SYNE2: variants seen among roughly 807,000 people sequenced by gnomAD.
SYNE2 encodes the protein nesprin-2.
Under a neutral mutation model 856.3 loss-of-function variants are expected in SYNE2, and 431 were observed. The observed-to-expected ratio is 0.50, with a 90% CI of 0.47 to 0.55. The LOEUF (loss-of-function observed/expected upper bound fraction) is 0.55, where lower values mean the gene tolerates loss of function less well. Ranked by LOEUF, SYNE2 falls within the 20% of genes least tolerant of loss-of-function variation. The pLI, the probability that SYNE2 is intolerant of heterozygous loss-of-function variation, is 0.00. For synonymous variants in SYNE2, 2,923 were observed against 2,872.3 expected, an observed-to-expected ratio of 1.02 and a Z score of -0.56; for missense variants, 8,129 against 8,023.2, an observed-to-expected ratio of 1.01 and a Z score of -0.50.
At chr14:64,194,926 A>G (rs1206813434) in intron 99 of SYNE2, among the ~76,000 whole-genome samples, 1 of 152,168 alleles carries the variant, frequency 6.6e-6, no homozygotes, top group Non-Finnish European at 1.5e-5. Context: ...AAAACCCAGT[A>G]GTTGAACTCC....
At chr14:64,090,374 T>G (rs541756342) in intron 59 of SYNE2, among the ~76,000 whole-genome samples, 2 of 152,344 alleles carry the variant, frequency 1.3e-5, no homozygotes, top group South Asian at 2.1e-4. Flanking sequence ...AATGTATTGG[T>G]TACATAAATC....
At chr14:64,102,179 T>C (rs2097736278) in intron 64 of SYNE2, 137 bp downstream of exon 64, 4 of 654,072 alleles carry the variant, frequency 6.1e-6, no homozygotes, top group Non-Finnish European at 1.1e-5. Flanking sequence ...TGCAGTCGTA[T>C]GATCTCAGCT....
intron 70 of SYNE2, chr14:64,122,648 A>G (rs932317996): frequency 7.9e-6 from 5 of 633,240 alleles, no homozygotes; most frequent in African/African-American, 3.7e-5. Context: ...ATTTATAACA[A>G]CTATCCGCCT....
chr14:64,075,734 G>A (rs1035694761), intron 53 of SYNE2: 2 of 540,660 alleles, frequency 3.7e-6, no homozygotes, highest in Non-Finnish European at 6.6e-6. Flanking sequence ...ACTATGAAGA[G>A]ATATCAAGTT....
At chr14:64,071,843 C>G (rs1043982084) in intron 52 of SYNE2, among the ~76,000 whole-genome samples, 27 of 151,228 alleles carry the variant, frequency 1.8e-4, no homozygotes, top group African/African-American at 5.3e-4. Context: ...ATGGTAAAAC[C>G]CCGTCTCTAC....
At chr14:63,905,481 T>C (rs1182393014) in intron 1 of SYNE2, among the ~76,000 whole-genome samples, 1 of 152,206 alleles carries the variant, frequency 6.6e-6, no homozygotes, top group Non-Finnish European at 1.5e-5. Context: ...CTGATTTCTT[T>C]CAGCAGTGTT....
chr14:63,800,873 C>T (rs1888100245), intron 1 of SYNE2, among the ~76,000 whole-genome samples: 2 of 152,026 alleles, frequency 1.3e-5, no homozygotes, highest in South Asian at 4.2e-4. Context: ...GGCTTAATAC[C>T]CGAGTGATGA....
chr14:63,931,846 C>A (rs2095760435), intron 2 of SYNE2, among the ~76,000 whole-genome samples: 1 of 152,156 alleles, frequency 6.6e-6, no homozygotes, highest in African/African-American at 2.4e-5. Context: ...TCTTGAACTC[C>A]TCCTGGACTC....
At chr14:63,851,292 CAG>C (rs1401386651), upstream of SYNE2, among the ~76,000 whole-genome samples, 2 of 152,170 alleles carry the variant, frequency 1.3e-5, no homozygotes, top group Non-Finnish European at 2.9e-5. Flanking sequence ...ACCCAGGAGG[CAG>C]AGTTTGCAGT....
intron 70 of SYNE2, among the ~76,000 whole-genome samples, chr14:64,124,414 T>TTTTTTTTTTTTTTTC: frequency 6.6e-6 from 1 of 150,880 alleles, no homozygotes. Flanking sequence ...TGTATCTTGT[T>TTTTTTTTTTTTTTTC]ATGTTGTACA....
chr14:64,074,098 G>A lies in SYNE2; in HGVS notation c.10828G>A (p.Ala3610Thr), dbSNP rs1350861349. The change falls in exon 53 of 116, where the codon GCA becomes ACA. Residue 3610 changes from alanine to threonine, a missense_variant. Transcript: ENST00000555002. ...QQTTTSFQNM[A>T]FQDHPEKSEQ... ...GACCACAACTTCATTCCAAAATATGGCATTCCAGGATCACCCAGAAAAGTC... is the reference window on the plus strand; with the variant it reads ...GACCACAACTTCATTCCAAAATATGACATTCCAGGATCACCCAGAAAAGTC... The A allele has an allele frequency of 6.2e-7, 1 of 1,614,166 alleles. No homozygotes were observed. Among genetic ancestry groups the A allele is most frequent in the Non-Finnish European group, 8.5e-7 (1 of 1,180,014 alleles).
At chr14:63,991,851 A>G (rs368688441) in intron 21 of SYNE2, among the ~76,000 whole-genome samples, 17 of 152,202 alleles carry the variant, frequency 1.1e-4, no homozygotes, top group African/African-American at 4.1e-4. Flanking sequence ...GGAAATAAAG[A>G]TGCAGGAAGG....
chr14:64,040,374 A>G (rs945448124), intron 45 of SYNE2, among the ~76,000 whole-genome samples: 3 of 152,036 alleles, frequency 2.0e-5, no homozygotes, highest in African/African-American at 7.2e-5. Flanking sequence ...TCATAAGGAA[A>G]GAATACAGTA....
In SYNE2 at chr14:64,220,591, T is replaced by C. The variant is rs2098689697; in HGVS notation, c.20015T>C (p.Val6672Ala). The C allele has an allele frequency of 6.2e-7, 1 of 1,614,172 alleles. No homozygotes were observed. Among genetic ancestry groups the C allele is most frequent in the Non-Finnish European group, 8.5e-7 (1 of 1,180,026 alleles). The change falls in exon 111 of 116, where the codon GTG becomes GCG. Residue 6672 changes from valine (V) to alanine (A), a missense_variant. Physicochemically the swap from Val to Ala is moderately conservative, Grantham distance 64. Around this residue, in one of 3 missense-constraint regions of SYNE2, gnomAD observed 5,410 missense variants for 5,284.8 expected, o/e 1.02. Transcript: ENST00000555002. The stretch of plus-strand genomic sequence containing the variant: ...CTCTGGGAAGCAGCACAGGGCGCAG[T>C]GGACAGCTGGAGAGGGGGCTTACGA... ...SLLWEAAQGA[V>A]DSWRGGLRQS... is the part of the protein sequence containing the mutation.
intron 87 of SYNE2, among the ~76,000 whole-genome samples, 189 bp downstream of exon 87, chr14:64,159,631 TTG>T (rs2098312666): frequency 6.6e-6 from 1 of 152,328 alleles, no homozygotes; most frequent in South Asian, 2.1e-4. Context: ...GTGACATCCC[TTG>T]TACAAGTGTT....
At chr14:64,212,275 C>T (rs777458871) in intron 104 of SYNE2, among the ~76,000 whole-genome samples, 177 bp downstream of exon 104, 11 of 152,190 alleles carry the variant, frequency 7.2e-5, no homozygotes, top group Non-Finnish European at 2.9e-5. Context: ...CTGTTCTTTA[C>T]GGTCCAGGAG....
Position 64,040,880 on chromosome 14 carries a change from C to T in SYNE2, c.7222-7120C>T, listed in dbSNP as rs540335074. Reference sequence around the variant, plus strand: ...TTCAAGAAGAACAGAGAGCCTTGAACAGACTAAATAAAAATAAATTCTTAT... The same window carrying T: ...TTCAAGAAGAACAGAGAGCCTTGAATAGACTAAATAAAAATAAATTCTTAT... On this transcript the variant is annotated intron_variant, in intron 45 of 115. Coordinates refer to ENST00000555002, the MANE Select transcript of SYNE2 (RefSeq NM_182914.3). Among the ~76,000 whole-genome samples, 3 of 151,792 alleles carry T rather than the reference C, an allele frequency of 2.0e-5. No individual in the cohort carries two copies. The South Asian group carries it at 6.2e-4, about 32-fold the overall frequency.
chr14:64,126,985 G>A (rs1175667346), intron 73 of SYNE2, among the ~76,000 whole-genome samples, 178 bp downstream of exon 73: 2 of 152,228 alleles, frequency 1.3e-5, no homozygotes, highest in Non-Finnish European at 2.9e-5. Context: ...CTGGCCGAGT[G>A]CAGTGGCTCA....
chr14:64,014,680 C>G (rs1265557087), intron 32 of SYNE2, among the ~76,000 whole-genome samples: 1 of 152,036 alleles, frequency 6.6e-6, no homozygotes, highest in African/African-American at 2.4e-5. Context: ...ACCTCGGCCT[C>G]CCAAAGTGCT....
Sources: allele counts gnomAD v4.1 joint callset (sites outside exome capture counted in the v4.1 genomes callset), GRCh38; gene constraint gnomAD v4.1.1; regional missense constraint gnomAD v4.1.1; transcripts MANE v1.5; gene names NCBI Gene and HGNC (gene_info 2026-07-23, HGNC 2026-07-21).